Variants in USP25 observed in about 807,000 individuals in gnomAD.
The protein encoded by USP25 is ubiquitin specific peptidase 25, also known as ubiquitin carboxyl-terminal hydrolase 25.
USP25 carries 85 observed loss-of-function variants against 158.5 expected under a neutral mutation model. The observed-to-expected ratio is 0.54, with a 90% CI of 0.45 to 0.64. The LOEUF is 0.64. Among genes scored for constraint, USP25 ranks in the 30% least tolerant of loss-of-function variants. The pLI, the probability that USP25 is intolerant of heterozygous loss-of-function variation, is 0.00. For missense variants in USP25, 1,242 were observed against 1,327.3 expected (o/e 0.94, Z 1.00); for synonymous variants, 464 against 460.4 (o/e 1.01, Z -0.10).
rs547162568 is a variant in USP25, at chr21:15,779,463, AT to A, written c.392+1441del. On this transcript the variant is annotated intron_variant, in intron 4 of 25. Transcript: ENST00000400183. ...ATACAAATATTATTTTTAAAATTAT[AT>A]TTTTGTTTATATGAATTTATATGAG... Among the ~76,000 whole-genome samples the A allele has an allele frequency of 9.6e-3, 1,456 of 151,908 alleles. 7 individuals carry two copies. The highest frequency in any genetic ancestry group is 0.021 in the Middle Eastern group (6 of 290).
chr21:15,744,092 C>T (rs529900387), intron 1 of USP25: 2 of 154,760 alleles, frequency 1.3e-5, no homozygotes, highest in South Asian at 4.1e-4. Flanking sequence ...AGCAGAGTAG[C>T]TGAAAGCAGC....
chr21:15,813,072 CT>C (rs1195787168), intron 9 of USP25, among the ~76,000 whole-genome samples: 3 of 151,488 alleles, frequency 2.0e-5, no homozygotes, highest in African/African-American at 7.3e-5. Flanking sequence ...AGCTGTTCAT[CT>C]TTTCTGTGTC....
At chr21:15,805,988 G>A (rs888351495) in intron 7 of USP25, among the ~76,000 whole-genome samples, 2 of 152,210 alleles carry the variant, frequency 1.3e-5, no homozygotes, top group African/African-American at 2.4e-5. Context: ...GAAGGTCTGA[G>A]ATTCTCTCAC....
intron 16 of USP25, 70 bp from the exon 17 acceptor site, chr21:15,833,278 G>A: frequency 1.4e-6 from 2 of 1,384,310 alleles, no homozygotes; most frequent in Non-Finnish European, 2.0e-6. Context: ...TTGAAATGCA[G>A]TCTATTTTGA....
intron 20 of USP25, among the ~76,000 whole-genome samples, chr21:15,861,168 A>T (rs1452528761): frequency 6.6e-6 from 1 of 152,106 alleles, no homozygotes; most frequent in Non-Finnish European, 1.5e-5. Context: ...CTGTAGGTAG[A>T]TGGGGAATGA....
At chr21:15,792,676 T>C (rs1002314856) in intron 5 of USP25, among the ~76,000 whole-genome samples, 2 of 151,738 alleles carry the variant, frequency 1.3e-5, no homozygotes, top group Non-Finnish European at 3.0e-5. Context: ...TGCTAACTTG[T>C]AATTTTAACT....
At position 15,777,933 on chromosome 21, in the gene USP25, G is replaced by A; in HGVS notation, c.298G>A (p.Asp100Asn). 1 of 1,611,488 alleles carries A rather than the reference G, an allele frequency of 6.2e-7. No homozygotes were observed. Among genetic ancestry groups the A allele is most frequent in the Non-Finnish European group, 8.5e-7 (1 of 1,179,060 alleles). ...GATTGATCTCACTGGAGATGATAAA[G>A]ATGATCTTCAGAGAGCAATTGCCTT... ...NVIDLTGDDK[D>N]DLQRAIALSL... is the part of the protein sequence containing the mutation. The change falls in exon 4 of 26, where the codon GAT (aspartate) becomes AAT (asparagine). Residue 100 changes from aspartate (D) to asparagine (N), a missense_variant. By Grantham distance (23) the Asp-to-Asn change is conservative. Around this residue, in one of 3 missense-constraint regions of USP25, gnomAD observed 627 missense variants for 701.4 expected, o/e 0.89. Coordinates refer to ENST00000400183, the MANE Select transcript of USP25 (RefSeq NM_001283041.3).
chr21:15,821,352 C>G (rs2037225829), intron 10 of USP25, among the ~76,000 whole-genome samples: 1 of 151,906 alleles, frequency 6.6e-6, no homozygotes, highest in Non-Finnish European at 1.5e-5. Flanking sequence ...TCCTGTAAGG[C>G]AGTAACTCGA....
chr21:15,810,471 A>G (rs1332644383), intron 8 of USP25, among the ~76,000 whole-genome samples: 1 of 152,226 alleles, frequency 6.6e-6, no homozygotes, highest in East Asian at 1.9e-4. Flanking sequence ...CACACAAACC[A>G]TAAAAAGACA....
intron 17 of USP25, among the ~76,000 whole-genome samples, chr21:15,835,540 A>G (rs953519985): frequency 2.6e-5 from 4 of 152,150 alleles, no homozygotes; most frequent in African/African-American, 9.7e-5. Context: ...TGTAATTTTT[A>G]AAAAATGCAG....
rs142362030 is a variant in USP25, at chr21:15,818,450, C to T, written c.932-248C>T. Among the ~76,000 whole-genome samples the T allele has an allele frequency of 7.9e-5, 12 of 151,978 alleles. No individual in the cohort carries two copies. In the East Asian group the frequency reaches 1.7e-3, roughly 22 times the overall value. On this transcript the variant is annotated intron_variant, in intron 9 of 25. Transcript: ENST00000400183. ...TCTTGCCCTTAGAAAATGCTTCTTG[C>T]GAGAAAAAATATACATACATATGTG...
chr21:15,773,986 T>C (rs369767961), intron 3 of USP25, among the ~76,000 whole-genome samples: 119 of 152,286 alleles, frequency 7.8e-4, no homozygotes, highest in Middle Eastern at 3.4e-3. Flanking sequence ...TGGTTGAAGT[T>C]TGTGAAGAAA....
intron 20 of USP25, among the ~76,000 whole-genome samples, chr21:15,855,111 A>G (rs138086058): frequency 1.3e-5 from 2 of 152,314 alleles, no homozygotes; most frequent in African/African-American, 4.8e-5. Context: ...TATAATTACA[A>G]TTATGGGATT....
intron 7 of USP25, among the ~76,000 whole-genome samples, chr21:15,807,258 T>G (rs914447058): frequency 2.0e-5 from 3 of 152,224 alleles, no homozygotes; most frequent in African/African-American, 7.2e-5. Context: ...TAATCATACC[T>G]TTAATTGTTT....
At chr21:15,872,040 T>TTA (rs1319448446) in intron 23 of USP25, among the ~76,000 whole-genome samples, 2 of 134,508 alleles carry the variant, frequency 1.5e-5, no homozygotes, top group Non-Finnish European at 3.2e-5. Context: ...TTTTTTTTTT[T>TTA]ACTTTAAATC....
chr21:15,835,201 TG>T (rs2038005503), intron 17 of USP25, among the ~76,000 whole-genome samples: 3 of 152,182 alleles, frequency 2.0e-5, no homozygotes, highest in Admixed American at 2.0e-4. Flanking sequence ...CAGACACAGG[TG>T]AATCCTCCAT....
chr21:15,864,395 A>G lies in USP25; in HGVS notation c.2675A>G (p.Glu892Gly), dbSNP rs759521480. 1.9e-6 allele frequency: 3 copies of G among 1,612,410 alleles called. No individual in the cohort carries two copies. The South Asian group carries it at 3.3e-5, about 18-fold the overall frequency. The change falls in exon 21 of 26, where the codon GAG becomes GGG. Residue 892 changes from glutamate (E) to glycine (G), a missense_variant. By Grantham distance (98) the Glu-to-Gly change is moderately conservative. Coordinates refer to ENST00000400183, the MANE Select transcript of USP25 (RefSeq NM_001283041.3). ...AACCAGGCACCAAAGAAAATTATTG[A>G]GAAAACATTACTAGAACAATTTGGA... The part of the protein sequence containing the change: ...IQNQAPKKII[E>G]KTLLEQFGDR...
In USP25 at chr21:15,808,960, A is replaced by G. The variant is rs1030737334; in HGVS notation, c.857+75A>G. 135 of 1,088,116 alleles carry G rather than the reference A, an allele frequency of 1.2e-4. 1 individual carries two copies. In the South Asian group the frequency reaches 1.4e-3, roughly 12 times the overall value. 67.4% of individuals were successfully genotyped at this position (1,088,116 alleles called of 1,614,324 possible). On this transcript the variant is annotated intron_variant, in intron 8 of 25. Coordinates refer to ENST00000400183, the MANE Select transcript of USP25 (RefSeq NM_001283041.3). Reference sequence around the variant, plus strand: ...GCATGTATTAAATGTCAACAGAGAAATAAGAAATCAAGACAGACTTATGGG... The same window carrying G: ...GCATGTATTAAATGTCAACAGAGAAGTAAGAAATCAAGACAGACTTATGGG...
At chr21:15,734,158 T>G (rs1293815966) in intron 1 of USP25, among the ~76,000 whole-genome samples, 1 of 152,156 alleles carries the variant, frequency 6.6e-6, no homozygotes, top group African/African-American at 2.4e-5. Flanking sequence ...ATCTAACAGA[T>G]CTACAGTCAA....
Sources: gnomAD v4.1 joint callset for allele counts (sites outside exome capture counted in the v4.1 genomes callset) on GRCh38, gnomAD v4.1.1 for gene constraint, gnomAD v4.1.1 regional missense constraint, MANE v1.5 for transcripts, NCBI Gene and HGNC (gene_info 2026-07-23, HGNC 2026-07-21) for gene names.